The following NEIL2 variants were observed in gnomAD, a reference collection of about 807,000 sequenced individuals.
NEIL2 encodes the protein endonuclease 8-like 2.
NEIL2 carries 23 observed loss-of-function variants against 22.2 expected under a neutral mutation model. The observed-to-expected ratio is 1.04, with a 90% CI of 0.75 to 1.47. The LOEUF is 1.47. Ranked by LOEUF, NEIL2 falls within the 40% of genes most tolerant of loss-of-function variation. The pLI, the probability that NEIL2 is intolerant of heterozygous loss-of-function variation, is 0.00. For missense variants in NEIL2, 583 were observed against 404.7 expected (o/e 1.44, Z -3.78); for synonymous variants, 229 against 164.8 (o/e 1.39, Z -2.99).
At chr8:11,774,901 G>A (rs1399567986) in intron 2 of NEIL2, among the ~76,000 whole-genome samples, 3 of 152,342 alleles carry the variant, frequency 2.0e-5, no homozygotes, top group South Asian at 2.1e-4. Flanking sequence ...AGACTCCCAC[G>A]GCCTTGGGCA....
intron 3 of NEIL2, chr8:11,782,464 G>A (rs537623952): frequency 6.5e-6 from 1 of 154,478 alleles, no homozygotes; most frequent in South Asian, 2.0e-4. Flanking sequence ...CATTTAATAT[G>A]CCTAGCCTAC....
rs536060445 is a variant in NEIL2 at position 11,780,047 on chromosome 8, G to T, written c.491+97G>T. Reference sequence around the variant, plus strand: ...TCAGCAGTGGGGACATACTGAGGACGTCCAGTCTGCCCCCCAGGGCCCTGC... The same window carrying T: ...TCAGCAGTGGGGACATACTGAGGACTTCCAGTCTGCCCCCCAGGGCCCTGC... On this transcript the variant is annotated intron_variant, in intron 3 of 4. Transcript: ENST00000284503. 3.7e-5 allele frequency: 39 copies of T among 1,055,392 alleles called. No homozygotes were observed. The African/African-American group carries it at 5.6e-4, about 15-fold the overall frequency. The allele number at this position is 1,055,392 out of a possible 1,614,324, so 65.4% of individuals were successfully genotyped here. A position where few individuals can be genotyped will look rare whatever the true frequency, so the allele number is the denominator to read the frequency against.
At chr8:11,785,891 T>A in intron 4 of NEIL2, 72 bp from the exon 5 acceptor site, 3 of 1,408,338 alleles carry the variant, frequency 2.1e-6, no homozygotes, top group Non-Finnish European at 3.0e-6. Context: ...TTCTGCCTTG[T>A]TAACTTTGTG....
rs371645493 is a variant in NEIL2 at position 11,784,493 on chromosome 8, A to G, written c.688+1094A>G. 4.6e-5 allele frequency among the ~76,000 whole-genome samples: 7 copies of G among 152,332 alleles called. No individual in the cohort carries two copies. The East Asian group carries it at 9.6e-4, about 21-fold the overall frequency. On this transcript the variant is annotated intron_variant, in intron 4 of 4. Transcript: ENST00000284503. ...AGATGTGAATCCAGGTGTTTTGTCA[A>G]TGAATTCTGGAGAGACTGATGTGTG...
Position 11,780,673 on chromosome 8 carries a change from T to C in NEIL2, c.491+723T>C, listed in dbSNP as rs536844218. On this transcript the variant is annotated intron_variant, in intron 3 of 4. Coordinates refer to ENST00000284503, the MANE Select transcript of NEIL2 (RefSeq NM_145043.4). The stretch of plus-strand genomic sequence containing the variant: ...CTGGGATTACAGGCGTGAGCCACCA[T>C]GCTTGGCCCCAGTTTTTATAATCTA... 2.6e-5 allele frequency among the ~76,000 whole-genome samples: 4 copies of C among 152,314 alleles called. No homozygotes were observed. In the South Asian group the frequency reaches 6.2e-4, roughly 24 times the overall value.
chr8:11,781,768 A>G (rs1051755570), intron 3 of NEIL2, among the ~76,000 whole-genome samples: 2 of 152,282 alleles, frequency 1.3e-5, no homozygotes, highest in East Asian at 1.9e-4. Flanking sequence ...AATAAATACT[A>G]TTAGCTTGCC....
chr8:11,771,375 T>G lies in NEIL2; in HGVS notation c.-2-71T>G, dbSNP rs941557754. On this transcript the variant is annotated intron_variant, in intron 1 of 4. Transcript: ENST00000284503. ...CAAAAATGGCGGCATGGAGGATGCTTGGCACCTGTTAAAGATGCTAGAGAT... is the reference window on the plus strand; with the variant it reads ...CAAAAATGGCGGCATGGAGGATGCTGGGCACCTGTTAAAGATGCTAGAGAT... 9 of 1,594,848 alleles carry G rather than the reference T, an allele frequency of 5.6e-6. No individual in the cohort carries two copies. The Middle Eastern group carries it at 6.7e-4, about 118-fold the overall frequency.
intron 2 of NEIL2, among the ~76,000 whole-genome samples, chr8:11,775,470 T>A (rs780657105): frequency 6.6e-6 from 1 of 152,166 alleles, no homozygotes; most frequent in Non-Finnish European, 1.5e-5. Flanking sequence ...GGACCTGTGA[T>A]GGGAGGGGCT....
rs546314931 is a variant in NEIL2, at chr8:11,784,340, C to G, written c.688+941C>G. ...TTAATAACGGCCAGTGTTTTCCAAGCAGCTCTGATGTGCCAGGCACATGTT... is the reference window on the plus strand; with the variant it reads ...TTAATAACGGCCAGTGTTTTCCAAGGAGCTCTGATGTGCCAGGCACATGTT... On this transcript the variant is annotated intron_variant, in intron 4 of 4. Coordinates refer to ENST00000284503, the MANE Select transcript of NEIL2 (RefSeq NM_145043.4). Among the ~76,000 whole-genome samples, 4 of 152,340 alleles carry G rather than the reference C, an allele frequency of 2.6e-5. No homozygotes were observed. The South Asian group carries it at 8.3e-4, about 32-fold the overall frequency.
In NEIL2 at chr8:11,786,523, G is replaced by A. The variant is rs753520961; in HGVS notation, c.*250G>A. The stretch of plus-strand genomic sequence containing the variant: ...ACCATCGTGAAAGATGGGAAAAATC[G>A]TGATGATGGGTAAGGGGAAAACTTC... On this transcript the variant is annotated 3_prime_UTR_variant, in exon 5 of 5. Transcript: ENST00000284503. The A allele has an allele frequency of 1.4e-4, 76 of 551,300 alleles. No homozygotes were observed. Among genetic ancestry groups the A allele is most frequent in the South Asian group, 6.0e-4 (29 of 48,524 alleles). The allele number at this position is 551,300 out of a possible 1,614,324, so 34.2% of individuals were successfully genotyped here.
intron 3 of NEIL2, 122 bp downstream of exon 3, chr8:11,780,072 C>A: frequency 1.2e-6 from 1 of 810,384 alleles, no homozygotes; most frequent in Non-Finnish European, 2.0e-6. Flanking sequence ...CAGGGCCCTG[C>A]TGTCTTGGGG....
intron 2 of NEIL2, among the ~76,000 whole-genome samples, chr8:11,777,162 C>CTT (rs113727327): frequency 4.2e-4 from 63 of 148,932 alleles, no homozygotes; most frequent in African/African-American, 1.4e-3. Flanking sequence ...CTTTTCTTTT[C>CTT]TTTTTTTTTT....
Position 11,777,385 on chromosome 8 carries a change from A to T in NEIL2, c.139-2213A>T, listed in dbSNP as rs187319763. On this transcript the variant is annotated intron_variant, in intron 2 of 4. Coordinates refer to ENST00000284503, the MANE Select transcript of NEIL2 (RefSeq NM_145043.4). Reference sequence around the variant, plus strand: ...CCTTTTAAAAATTTTTAAAATTGTGATGAAAAACACATAACAAACTTTACT... The same window carrying T: ...CCTTTTAAAAATTTTTAAAATTGTGTTGAAAAACACATAACAAACTTTACT... Among the ~76,000 whole-genome samples the T allele has an allele frequency of 2.7e-3, 411 of 149,556 alleles. 5 individuals carry two copies. Among genetic ancestry groups the T allele is most frequent in the African/African-American group, 9.7e-3 (395 of 40,644 alleles).
At chr8:11,785,025 C>T (rs754961725) in intron 4 of NEIL2, among the ~76,000 whole-genome samples, 9 of 151,988 alleles carry the variant, frequency 5.9e-5, no homozygotes, top group African/African-American at 1.2e-4. Flanking sequence ...CATGACATCA[C>T]GCCTCACTAA....
chr8:11,785,874 A>T (rs1227146602), intron 4 of NEIL2, 89 bp from the exon 5 acceptor site: 8 of 1,187,470 alleles, frequency 6.7e-6, no homozygotes, highest in Non-Finnish European at 1.0e-5. Context: ...GACATGGAAG[A>T]GCTGATTTCT....
chr8:11,777,958 C>A (rs533003738), intron 2 of NEIL2, among the ~76,000 whole-genome samples: 117 of 152,310 alleles, frequency 7.7e-4, no homozygotes, highest in African/African-American at 2.7e-3. Context: ...CCAACACATA[C>A]TTTTTGAGGA....
intron 2 of NEIL2, among the ~76,000 whole-genome samples, chr8:11,773,468 C>G (rs941122798): frequency 6.6e-6 from 1 of 152,092 alleles, no homozygotes; most frequent in Non-Finnish European, 1.5e-5. Flanking sequence ...TCGACACAGG[C>G]CACACTATTA....
chr8:11,775,475 G>A (rs1022304557), intron 2 of NEIL2, among the ~76,000 whole-genome samples: 2 of 152,224 alleles, frequency 1.3e-5, no homozygotes, highest in Non-Finnish European at 2.9e-5. Flanking sequence ...TGTGATGGGA[G>A]GGGCTGCTGT....
At chr8:11,773,762 C>T (rs991197647) in intron 2 of NEIL2, among the ~76,000 whole-genome samples, 2 of 152,112 alleles carry the variant, frequency 1.3e-5, no homozygotes, top group Non-Finnish European at 2.9e-5. Flanking sequence ...ACATCCTTTT[C>T]TTGTCAGCTC....
Sources: allele counts gnomAD v4.1 joint callset (sites outside exome capture counted in the v4.1 genomes callset), GRCh38; gene constraint gnomAD v4.1.1; transcripts MANE v1.5; gene names NCBI Gene and HGNC (gene_info 2026-07-23, HGNC 2026-07-21).